The following HCN1 variants were observed in gnomAD, a reference collection of about 807,000 sequenced individuals.
HCN1 encodes hyperpolarization activated cyclic nucleotide gated potassium channel 1, also known as potassium/sodium hyperpolarization-activated cyclic nucleotide-gated channel 1.
Under a neutral mutation model 78.9 loss-of-function variants are expected in HCN1, and 13 were observed. The ratio of observed to expected loss-of-function variants is 0.16; its 90% CI spans 0.11 to 0.26. The LOEUF is 0.26. Among genes scored for constraint, HCN1 ranks in the 10% least tolerant of loss-of-function variants. HCN1 has a pLI of 1.00. For synonymous variants in HCN1, 552 were observed against 455.5 expected (o/e 1.21, Z -2.70); for missense variants, 810 against 1,154.3 (o/e 0.70, Z 4.32).
chr5:45,304,307 T>C (rs1745685596), intron 5 of HCN1, among the ~76,000 whole-genome samples: 2 of 152,004 alleles, frequency 1.3e-5, no homozygotes, highest in Non-Finnish European at 2.9e-5. Flanking sequence ...GTTTTTTTTT[T>C]TTGTTAGTGT....
At chr5:45,567,867 C>A (rs1348153888) in intron 2 of HCN1, among the ~76,000 whole-genome samples, 1 of 146,486 alleles carries the variant, frequency 6.8e-6, no homozygotes, top group East Asian at 2.2e-4. Context: ...GTGCCTTTTG[C>A]TTGTAAAATG....
chr5:45,585,965 G>A (rs913838788), intron 2 of HCN1, among the ~76,000 whole-genome samples: 13 of 152,128 alleles, frequency 8.5e-5, no homozygotes, highest in Non-Finnish European at 1.8e-4. Context: ...TAGGCTACTC[G>A]GGGGTCAGGG....
At chr5:45,678,888 G>C (rs1349392417) in intron 1 of HCN1, among the ~76,000 whole-genome samples, 1 of 151,828 alleles carries the variant, frequency 6.6e-6, no homozygotes, top group Non-Finnish European at 1.5e-5. Context: ...GAAGTAGTTA[G>C]GTTTTAACAC....
intron 1 of HCN1, among the ~76,000 whole-genome samples, chr5:45,665,295 T>A: frequency 9.1e-6 from 1 of 109,560 alleles, no homozygotes; most frequent in African/African-American, 3.6e-5. Flanking sequence ...CTGGGGACTG[T>A]TGTGGGGTGG....
chr5:45,634,032 A>G (rs1745315974), intron 2 of HCN1, among the ~76,000 whole-genome samples: 1 of 152,034 alleles, frequency 6.6e-6, no homozygotes, highest in South Asian at 2.1e-4. Flanking sequence ...TAAAACAATC[A>G]TCTTTGACAT....
intron 6 of HCN1, among the ~76,000 whole-genome samples, chr5:45,284,715 G>A (rs1025968349): frequency 6.6e-6 from 1 of 152,076 alleles, no homozygotes; most frequent in Non-Finnish European, 1.5e-5. Flanking sequence ...TTTAATTGTT[G>A]TGTAAATGTT....
intron 2 of HCN1, among the ~76,000 whole-genome samples, chr5:45,547,117 T>C (rs1485794655): frequency 1.3e-5 from 2 of 151,974 alleles, no homozygotes; most frequent in Admixed American, 1.3e-4. Flanking sequence ...AAATCTTTAA[T>C]AGGTTCTTTA....
intron 1 of HCN1, among the ~76,000 whole-genome samples, chr5:45,692,549 C>G (rs1219341361): frequency 1.3e-5 from 2 of 152,188 alleles, no homozygotes; most frequent in African/African-American, 2.4e-5. Flanking sequence ...TTATTTCAAA[C>G]AGTACCTATA....
At chr5:45,332,887 A>G (rs1436516051) in intron 5 of HCN1, among the ~76,000 whole-genome samples, 1 of 151,562 alleles carries the variant, frequency 6.6e-6, no homozygotes, top group Non-Finnish European at 1.5e-5. Context: ...TTCCATTCAT[A>G]TGTTGATGGA....
intron 2 of HCN1, among the ~76,000 whole-genome samples, chr5:45,544,582 T>G (rs553076291): frequency 3.3e-5 from 5 of 151,678 alleles, no homozygotes; most frequent in African/African-American, 1.2e-4. Flanking sequence ...GTATACCTCC[T>G]AATGCTGTCC....
intron 6 of HCN1, among the ~76,000 whole-genome samples, chr5:45,268,406 A>C (rs1744900533): frequency 6.6e-6 from 1 of 152,222 alleles, no homozygotes; most frequent in South Asian, 2.1e-4. Context: ...CAAATTTGAA[A>C]AGAGAAATGA....
intron 2 of HCN1, among the ~76,000 whole-genome samples, chr5:45,585,810 G>A (rs559025309): frequency 6.6e-6 from 1 of 152,210 alleles, no homozygotes; most frequent in African/African-American, 2.4e-5. Context: ...TGTTTGCCTG[G>A]GTATCAGCAG....
intron 4 of HCN1, among the ~76,000 whole-genome samples, chr5:45,372,355 T>C (rs906325606): frequency 3.7e-5 from 4 of 107,476 alleles, no homozygotes; most frequent in Admixed American, 1.4e-4. Flanking sequence ...ATATTTTACA[T>C]ATTATATATA....
chr5:45,658,099 C>T (rs537109531), intron 1 of HCN1, among the ~76,000 whole-genome samples: 59 of 152,284 alleles, frequency 3.9e-4, no homozygotes, highest in African/African-American at 1.4e-3. Context: ...CTACAACTAT[C>T]TGATCTTTGA....
chr5:45,566,247 CTT>C (rs1018109566), intron 2 of HCN1, among the ~76,000 whole-genome samples: 1 of 151,996 alleles, frequency 6.6e-6, no homozygotes, highest in Non-Finnish European at 1.5e-5. Context: ...CTGGTTGTCT[CTT>C]TTTTAGGTTG....
intron 2 of HCN1, among the ~76,000 whole-genome samples, chr5:45,522,588 TGTAA>T (rs1404047472): frequency 1.3e-5 from 2 of 151,828 alleles, no homozygotes; most frequent in East Asian, 2.0e-4. Context: ...ATCCTTAAAA[TGTAA>T]GTCTCTTTTC....
intron 3 of HCN1, among the ~76,000 whole-genome samples, chr5:45,450,167 T>A (rs1054327746): frequency 6.6e-6 from 1 of 152,208 alleles, no homozygotes; most frequent in African/African-American, 2.4e-5. Context: ...TTTCAAAGTG[T>A]TGCCTCAAGA....
At chr5:45,305,677 G>GGGGAGGAAGGAAAGAAAGAA (rs1745714579) in intron 5 of HCN1, among the ~76,000 whole-genome samples, 1 of 150,886 alleles carries the variant, frequency 6.6e-6, no homozygotes, top group Non-Finnish European at 1.5e-5. Flanking sequence ...AAATGAAGGA[G>GGGGAGGAAGGAAAGAAAGAA]GGGAGGAAGG....
At chr5:45,353,903 A>G (rs1746961223) in intron 4 of HCN1, among the ~76,000 whole-genome samples, 1 of 152,020 alleles carries the variant, frequency 6.6e-6, no homozygotes, top group Non-Finnish European at 1.5e-5. Flanking sequence ...TTAAACAAGT[A>G]GGCGTCAACT....
Sources: gnomAD v4.1 joint callset for allele counts (sites outside exome capture counted in the v4.1 genomes callset) on GRCh38, gnomAD v4.1.1 for gene constraint, MANE v1.5 for transcripts, NCBI Gene and HGNC (gene_info 2026-07-23, HGNC 2026-07-21) for gene names.